The following TMPRSS9 variants were observed in gnomAD, a reference collection of about 807,000 sequenced individuals.
TMPRSS9 encodes the protein transmembrane protease serine 9.
In TMPRSS9, 113 loss-of-function variants were observed where a neutral mutation model predicts 111.4. The observed-to-expected ratio is 1.01, with a 90% CI of 0.87 to 1.19. TMPRSS9 has a LOEUF of 1.19. TMPRSS9 is among the 50% of genes most tolerant of loss of function. TMPRSS9 has a pLI of 0.00. For missense variants in TMPRSS9, 1,803 were observed against 1,513.1 expected (o/e 1.19, Z -3.18); for synonymous variants, 805 against 659.1 (o/e 1.22, Z -3.39).
intron 1 of TMPRSS9, among the ~76,000 whole-genome samples, chr19:2,382,609 C>T (rs1407852920): frequency 6.6e-6 from 1 of 151,184 alleles, no homozygotes; most frequent in Non-Finnish European, 1.5e-5. Context: ...CACACAGACA[C>T]ATGCACACAC....
At chr19:2,402,499 G>A (rs190507540) in intron 5 of TMPRSS9, among the ~76,000 whole-genome samples, 1 of 152,112 alleles carries the variant, frequency 6.6e-6, no homozygotes, top group Admixed American at 6.6e-5. Context: ...CAGCACTTTG[G>A]GAGGCCGAGG....
chr19:2,407,607 T>TTCTTTTCTTTC (rs1369603014), intron 7 of TMPRSS9, among the ~76,000 whole-genome samples: 2 of 125,934 alleles, frequency 1.6e-5, no homozygotes, highest in African/African-American at 6.4e-5. Context: ...TCTTTTCTTT[T>TTCTTTTCTTTC]CTTTTTTTTT....
In TMPRSS9 at chr19:2,415,726, G is replaced by A. The variant is rs535282168; in HGVS notation, c.1630G>A (p.Ala544Thr). 30 of 1,609,804 alleles carry A rather than the reference G, an allele frequency of 1.9e-5. No individual in the cohort carries two copies. The African/African-American group carries it at 3.9e-4, about 21-fold the overall frequency. Residue 544 changes from alanine to threonine, a missense_variant, in exon 11 of 18, where the codon GCT (alanine) becomes ACT (threonine). Transcript: ENST00000648592. ...CACCCGGGTCGTGGGCGGGTTCGGA[G>A]CTGCCTCCGGGGAGGTGCCCTGGCA...
intron 1 of TMPRSS9, chr19:2,396,305 C>G (rs1014589343): frequency 8.4e-5 from 39 of 465,728 alleles, no homozygotes; most frequent in Non-Finnish European, 1.4e-4. Context: ...TGGGGACCTC[C>G]GGGTGGGTGG....
At chr19:2,409,759 G>C (rs1971055629) in intron 8 of TMPRSS9, among the ~76,000 whole-genome samples, 1 of 152,022 alleles carries the variant, frequency 6.6e-6, no homozygotes, top group Non-Finnish European at 1.5e-5. Context: ...GGGTTGATGT[G>C]ACTGATTTAA....
At chr19:2,425,980 A>C in exon 18 of TMPRSS9, 1 of 1,608,266 alleles carries the variant, frequency 6.2e-7, no homozygotes, top group Non-Finnish European at 8.5e-7. Context: ...GGTGGGTGCT[A>C]ACTGGGGTCA....
exon 3 of TMPRSS9, chr19:2,398,840 G>C (rs1970764897): frequency 2.0e-6 from 3 of 1,509,200 alleles, no homozygotes. Flanking sequence ...AAGCTGCGTG[G>C]GTTGCTCGGT....
chr19:2,366,962 T>C (rs1599273569), intron 1 of TMPRSS9, among the ~76,000 whole-genome samples: 1 of 151,280 alleles, frequency 6.6e-6, no homozygotes, highest in East Asian at 1.9e-4. Context: ...TGGCTGTTGG[T>C]GGGAGGCCTC....
chr19:2,409,864 A>C (rs1285204639), intron 8 of TMPRSS9, among the ~76,000 whole-genome samples: 1 of 151,762 alleles, frequency 6.6e-6, no homozygotes, highest in Non-Finnish European at 1.5e-5. Flanking sequence ...AGCTATAATG[A>C]CCCGGGCAAG....
intron 14 of TMPRSS9, 144 bp from the exon 16 acceptor site, chr19:2,423,945 T>G: frequency 1.2e-6 from 1 of 855,960 alleles, no homozygotes; most frequent in South Asian, 5.9e-5. Flanking sequence ...TGTCCTTTCC[T>G]GCTGAGTTTT....
chr19:2,381,974 C>G (rs1205285877), intron 1 of TMPRSS9, among the ~76,000 whole-genome samples: 2 of 152,178 alleles, frequency 1.3e-5, no homozygotes, highest in Non-Finnish European at 2.9e-5. Flanking sequence ...TCCCAAATAG[C>G]TGGGATTACA....
chr19:2,405,526 G>C, exon 7 of TMPRSS9: 2 of 1,583,694 alleles, frequency 1.3e-6, no homozygotes, highest in Non-Finnish European at 1.7e-6. Flanking sequence ...GCTGGTGTCT[G>C]CTGCTCACTG....
intron 1 of TMPRSS9, among the ~76,000 whole-genome samples, chr19:2,374,766 T>G (rs1003240731): frequency 4.6e-5 from 7 of 151,836 alleles, no homozygotes; most frequent in African/African-American, 1.5e-4. Flanking sequence ...CTCTGTGGCC[T>G]TGGTGAGGTG....
At chr19:2,373,147 A>T (rs1970303615) in intron 1 of TMPRSS9, among the ~76,000 whole-genome samples, 1 of 151,558 alleles carries the variant, frequency 6.6e-6, no homozygotes, top group East Asian at 2.0e-4. Flanking sequence ...ACTTGGGTTT[A>T]AAATGGACTT....
In TMPRSS9 at chr19:2,399,056, A is replaced by G. The variant is rs764399918; in HGVS notation, c.377A>G (p.His126Arg). The change falls in exon 4 of 18, where the codon CAC (histidine) becomes CGC (arginine). Residue 126 changes from histidine (H) to arginine (R), a missense_variant. Coordinates refer to ENST00000648592, the Ensembl canonical transcript of TMPRSS9. ...AGTGTCCTCGTACATTTCCAGCTGCACTTTCTGCTGCGACCCCTCCAGACG... is the reference window on the plus strand; with the variant it reads ...AGTGTCCTCGTACATTTCCAGCTGCGCTTTCTGCTGCGACCCCTCCAGACG... 2.5e-6 allele frequency: 4 copies of G among 1,613,190 alleles called. No homozygotes were observed. Among genetic ancestry groups the G allele is most frequent in the South Asian group, 1.1e-5 (1 of 91,002 alleles).
intron 2 of TMPRSS9, among the ~76,000 whole-genome samples, chr19:2,397,578 C>T (rs565440123): frequency 2.6e-5 from 4 of 152,102 alleles, no homozygotes; most frequent in African/African-American, 4.8e-5. Flanking sequence ...CCATTTTATT[C>T]GAAGAGAAAC....
chr19:2,394,440 C>A (rs919416686), intron 1 of TMPRSS9, among the ~76,000 whole-genome samples: 1 of 152,084 alleles, frequency 6.6e-6, no homozygotes, highest in Admixed American at 6.6e-5. Context: ...GCAAACAGCT[C>A]ACCATTTTAG....
upstream of TMPRSS9, among the ~76,000 whole-genome samples, chr19:2,387,737 T>G (rs1187089019): frequency 2.6e-5 from 4 of 151,742 alleles, no homozygotes; most frequent in Admixed American, 6.6e-5. Flanking sequence ...AGAGAGACTC[T>G]CTCTCTCTTT....
At chr19:2,400,174 G>T (rs530972023) in intron 4 of TMPRSS9, among the ~76,000 whole-genome samples, 2 of 152,250 alleles carry the variant, frequency 1.3e-5, no homozygotes, top group Non-Finnish European at 2.9e-5. Context: ...CAAGCAGTGG[G>T]CTGGATTTGG....
Sources: gnomAD v4.1 joint callset for allele counts (sites outside exome capture counted in the v4.1 genomes callset) on GRCh38, gnomAD v4.1.1 for gene constraint, MANE v1.5 for transcripts, NCBI Gene and HGNC (gene_info 2026-07-23, HGNC 2026-07-21) for gene names.